The following MAP3K9 variants were observed in gnomAD, a reference collection of about 807,000 sequenced individuals.
MAP3K9 encodes the protein mixed lineage kinase 1 (tyr and ser/thr specificity).
MAP3K9 carries 46 observed loss-of-function variants against 95.8 expected under a neutral mutation model. The ratio of observed to expected loss-of-function variants is 0.48; its 90% confidence interval spans 0.38 to 0.61. The LOEUF is 0.61. Among genes scored for constraint, MAP3K9 ranks in the 20% least tolerant of loss-of-function variants. The pLI is 0.00. For synonymous variants in MAP3K9, 533 were observed against 593.8 expected (o/e 0.90, Z 1.49); for missense variants, 1,296 against 1,474.3 (o/e 0.88, Z 1.98).
intron 2 of MAP3K9, among the ~76,000 whole-genome samples, chr14:70,776,752 T>TA (rs999845619): frequency 3.3e-5 from 5 of 150,216 alleles, no homozygotes; most frequent in East Asian, 3.9e-4. Context: ...CACTTTGATT[T>TA]AAAAAAAAAT....
chr14:70,766,633 G>A (rs1177304527), intron 2 of MAP3K9, among the ~76,000 whole-genome samples: 11 of 152,180 alleles, frequency 7.2e-5, no homozygotes, highest in Admixed American at 6.5e-4. Context: ...TCAGCAGTAG[G>A]TGTAATTATT....
intron 2 of MAP3K9, among the ~76,000 whole-genome samples, chr14:70,765,650 C>T (rs8019261): frequency 0.29 from 43,086 of 150,572 alleles, 6,565 homozygotes; most frequent in Admixed American, 0.34. Flanking sequence ...CAGCAGACTA[C>T]ACCAGGGGTG....
chr14:70,785,593 C>T (rs571684675), intron 2 of MAP3K9, among the ~76,000 whole-genome samples: 73 of 152,172 alleles, frequency 4.8e-4, no homozygotes, highest in African/African-American at 1.7e-3. Context: ...ATGACATAGG[C>T]GAGGTGACAC....
Position 70,750,501 on chromosome 14 carries a change from T to TG in MAP3K9, c.1002-421_1002-420insC, listed in dbSNP as rs1239206970. Among the ~76,000 whole-genome samples, 29 of 152,266 alleles carry TG rather than the reference T, an allele frequency of 1.9e-4. 1 individual carries two copies. The highest frequency in any genetic ancestry group is 6.0e-4 in the African/African-American group (25 of 41,546). On this transcript the variant is annotated intron_variant, in intron 3 of 11. Transcript: ENST00000554752. ...TTTTTTGTTTGTTTGTTTGTTTGTT[T>TG]TGGGATGGAGTTTCGCTCGGTTGCT... is the stretch of plus-strand genomic sequence containing the variant.
chr14:70,775,517 C>G (rs868806781), intron 2 of MAP3K9, among the ~76,000 whole-genome samples: 6 of 152,282 alleles, frequency 3.9e-5, no homozygotes, highest in South Asian at 2.1e-4. Context: ...TTTTATTTGC[C>G]TGGGGACAGT....
At chr14:70,765,359 A>G (rs2054435737) in intron 2 of MAP3K9, 1 of 456,142 alleles carries the variant, frequency 2.2e-6, no homozygotes, top group African/African-American at 2.0e-5. Context: ...AATTTAGTGT[A>G]GCCTAAGTGT....
rs572010694 is a variant in MAP3K9 at position 70,794,990 on chromosome 14, C to CTTTTTTTTTTTTT, written c.820+5664_820+5676dup. 7.6e-3 allele frequency among the ~76,000 whole-genome samples: 581 copies of CTTTTTTTTTTTTT among 76,800 alleles called. 51 individuals are homozygous for CTTTTTTTTTTTTT. The highest frequency in any genetic ancestry group is 0.023 in the Middle Eastern group (2 of 88). 50.4% of individuals were successfully genotyped at this position (76,800 alleles called of 152,430 possible). On this transcript the variant is annotated intron_variant, in intron 2 of 11. Transcript: ENST00000554752. The stretch of plus-strand genomic sequence containing the variant: ...CCGTGACCAGCCTCTTTTTCTTTTC[C>CTTTTTTTTTTTTT]TTTTTTTTTTTTTTTTTTTTTGAGA...
At chr14:70,731,463 T>C (rs908998608) in intron 11 of MAP3K9, among the ~76,000 whole-genome samples, 2 of 152,052 alleles carry the variant, frequency 1.3e-5, no homozygotes, top group African/African-American at 4.8e-5. Flanking sequence ...GAAAAAAAGG[T>C]ATACAATAAC....
In MAP3K9 at chr14:70,728,288, AT is replaced by A; in HGVS notation, c.*2091del. 1 of 151,614 alleles carries A rather than the reference AT, an allele frequency of 6.6e-6. No individual in the cohort carries two copies. Among genetic ancestry groups the A allele is most frequent in the East Asian group, 1.9e-4 (1 of 5,142 alleles). The allele number at this position is 151,614 out of a possible 1,614,324, so 9.4% of individuals were successfully genotyped here. Reference sequence around the variant, plus strand: ...AGGCACGTGCCACCATGCCTGGCTAATTTTTTTGTATTTTTAGTAGAGACAG... The same window carrying A: ...AGGCACGTGCCACCATGCCTGGCTAATTTTTTGTATTTTTAGTAGAGACAG... On this transcript the variant is annotated 3_prime_UTR_variant, in exon 12 of 12. Transcript: ENST00000554752.
intron 3 of MAP3K9, among the ~76,000 whole-genome samples, chr14:70,750,538 G>A (rs2054211471): frequency 6.6e-6 from 1 of 152,182 alleles, no homozygotes; most frequent in South Asian, 2.1e-4. Flanking sequence ...AGGCTGGAGT[G>A]CAGTGGCGTG....
intron 5 of MAP3K9, among the ~76,000 whole-genome samples, chr14:70,745,673 G>C (rs1338933334): frequency 6.6e-6 from 1 of 151,970 alleles, no homozygotes; most frequent in African/African-American, 2.4e-5. Context: ...GGGAGGTGGA[G>C]GTTGCAGTGA....
chr14:70,761,190 A>C lies in MAP3K9; in HGVS notation c.821-8T>G, dbSNP rs1362673269. 1 of 1,605,980 alleles carries C rather than the reference A, an allele frequency of 6.2e-7. No homozygotes were observed. Among genetic ancestry groups the C allele is most frequent in the Non-Finnish European group, 8.5e-7 (1 of 1,175,536 alleles). ...CCTTCTGGAGGATCAATACTAGGCA[A>C]GGAAAAGAATACAGAAGAAACCAGA... On this transcript the variant is annotated splice_polypyrimidine_tract_variant and splice_region_variant and intron_variant, in intron 2 of 11. Transcript: ENST00000554752.
Position 70,740,030 on chromosome 14 carries a change from A to T in MAP3K9, c.1690+12T>A. ...GTGTTCTGGCCCCAGCTAATTTGGG[A>T]AACAGTCTCACACTGGATGGCTCGA... On this transcript the variant is annotated intron_variant, in intron 7 of 11. Transcript: ENST00000554752. 6.2e-7 allele frequency: 1 copy of T among 1,614,164 alleles called. No individual in the cohort carries two copies. Among genetic ancestry groups the T allele is most frequent in the East Asian group, 2.2e-5 (1 of 44,884 alleles).
At chr14:70,739,478 A>G (rs145989880) in intron 7 of MAP3K9, among the ~76,000 whole-genome samples, 3 of 150,424 alleles carry the variant, frequency 2.0e-5, no homozygotes, top group African/African-American at 7.3e-5. Context: ...AGGGAAACTA[A>G]TTCATTCACA....
intron 3 of MAP3K9, among the ~76,000 whole-genome samples, chr14:70,756,632 A>T (rs775573259): frequency 1.3e-5 from 2 of 152,246 alleles, no homozygotes; most frequent in Non-Finnish European, 1.5e-5. Context: ...GCTTGCCATG[A>T]GTAAGTTCTC....
At chr14:70,756,728 A>G (rs2054304301) in intron 3 of MAP3K9, among the ~76,000 whole-genome samples, 1 of 152,206 alleles carries the variant, frequency 6.6e-6, no homozygotes, top group Admixed American at 6.5e-5. Flanking sequence ...GAGGGAATCT[A>G]AAAGAACCTA....
chr14:70,746,234 T>A (rs1375835058), intron 5 of MAP3K9, among the ~76,000 whole-genome samples: 1 of 152,220 alleles, frequency 6.6e-6, no homozygotes, highest in African/African-American at 2.4e-5. Flanking sequence ...AAACCCCAGA[T>A]GACACCAATG....
intron 2 of MAP3K9, among the ~76,000 whole-genome samples, chr14:70,780,136 C>A (rs2054654821): frequency 6.6e-6 from 1 of 152,214 alleles, no homozygotes; most frequent in South Asian, 2.1e-4. Context: ...AACAAGGGAA[C>A]AAATCAGATG....
intron 3 of MAP3K9, among the ~76,000 whole-genome samples, chr14:70,751,258 CA>C: frequency 6.6e-6 from 1 of 152,172 alleles, no homozygotes; most frequent in Non-Finnish European, 1.5e-5. Flanking sequence ...CGATCAGAAC[CA>C]GACACAATCA....
Sources: gnomAD v4.1 joint callset for allele counts (sites outside exome capture counted in the v4.1 genomes callset) on GRCh38, gnomAD v4.1.1 for gene constraint, MANE v1.5 for transcripts, NCBI Gene and HGNC (gene_info 2026-07-23, HGNC 2026-07-21) for gene names.